The following CFAP52 variants were observed in gnomAD, a reference collection of about 807,000 sequenced individuals.
The protein encoded by CFAP52 is cilia and flagella associated protein 52, also known as cilia- and flagella-associated protein 52.
In CFAP52, 57 loss-of-function variants were observed where a neutral mutation model predicts 70.5. The observed-to-expected ratio is 0.81, with a 90% CI of 0.65 to 1.01. CFAP52 has a LOEUF of 1.01. Among genes scored for constraint, CFAP52 ranks in the 50% least tolerant of loss-of-function variants. CFAP52 has a pLI of 0.00. For missense variants in CFAP52, 785 were observed against 788.5 expected (o/e 1.00, Z 0.05); for synonymous variants, 267 against 292.5 (o/e 0.91, Z 0.89).
intron 9 of CFAP52, among the ~76,000 whole-genome samples, chr17:9,630,627 T>TC (rs1445674034): frequency 1.3e-5 from 2 of 150,704 alleles, no homozygotes; most frequent in African/African-American, 4.9e-5. Flanking sequence ...AGACGGGGTT[T>TC]CACCGTGTTA....
chr17:9,613,263 C>G (rs1440942937), intron 8 of CFAP52, among the ~76,000 whole-genome samples: 2 of 150,910 alleles, frequency 1.3e-5, no homozygotes, highest in African/African-American at 4.9e-5. Flanking sequence ...AAATCTCACC[C>G]AGCACAAGTA....
Position 9,598,441 on chromosome 17 carries a change from G to T in CFAP52, c.636+108G>T, listed in dbSNP as rs75305250. ...ATGGGGCTGGGGATAGGAAAGTGGGGTATAGACATAGGGGATGTTGATTGA... is the reference window on the plus strand; with the variant it reads ...ATGGGGCTGGGGATAGGAAAGTGGGTTATAGACATAGGGGATGTTGATTGA... On this transcript the variant is annotated intron_variant, in intron 5 of 13. Coordinates refer to ENST00000352665, the MANE Select transcript of CFAP52 (RefSeq NM_145054.5). 414 of 852,230 alleles carry T rather than the reference G, an allele frequency of 4.9e-4. 2 individuals are homozygous for T. The African/African-American group carries it at 5.8e-3, about 12-fold the overall frequency. 52.8% of individuals were successfully genotyped at this position (852,230 alleles called of 1,614,324 possible).
At chr17:9,616,171 G>T (rs1486005491) in intron 8 of CFAP52, among the ~76,000 whole-genome samples, 1 of 151,294 alleles carries the variant, frequency 6.6e-6, no homozygotes, top group Non-Finnish European at 1.5e-5. Flanking sequence ...GCAGGTCGAG[G>T]CATTGCCTCA....
intron 7 of CFAP52, among the ~76,000 whole-genome samples, chr17:9,609,157 A>G (rs1909623703): frequency 6.6e-6 from 1 of 152,186 alleles, no homozygotes; most frequent in South Asian, 2.1e-4. Flanking sequence ...CTTCATTCCA[A>G]GAAATCTGTG....
rs376220632 is a variant in CFAP52, at chr17:9,615,681, G to A, written c.1025+3202G>A. Among the ~76,000 whole-genome samples, 6 of 150,594 alleles carry A rather than the reference G, an allele frequency of 4.0e-5. No homozygotes were observed. In the East Asian group the frequency reaches 5.9e-4, roughly 15 times the overall value. On this transcript the variant is annotated intron_variant, in intron 8 of 13. Transcript: ENST00000352665. ...GTCACCCAGGCTAGAGCACAGTGAC[G>A]CAATCACAGCTCAGAACTCCTGGGG...
intron 13 of CFAP52, among the ~76,000 whole-genome samples, chr17:9,642,302 C>A (rs1261099108): frequency 6.6e-6 from 1 of 152,200 alleles, no homozygotes; most frequent in East Asian, 1.9e-4. Context: ...TCATTTCCTG[C>A]CAAGCTCTTT....
At chr17:9,600,344 C>G (rs1012744503) in intron 6 of CFAP52, among the ~76,000 whole-genome samples, 161 bp downstream of exon 6, 7 of 152,062 alleles carry the variant, frequency 4.6e-5, no homozygotes, top group African/African-American at 1.7e-4. Flanking sequence ...CAGGTTCAAG[C>G]GATTGTCCCA....
In CFAP52 at chr17:9,585,981, A is replaced by G. The variant is rs376365503; in HGVS notation, c.270+9A>G. 39 of 1,602,566 alleles carry G rather than the reference A, an allele frequency of 2.4e-5. No homozygotes were observed. In the African/African-American group the frequency reaches 4.6e-4, roughly 19 times the overall value. ...CATTCATGGGGTTCAAGGTGAATAC[A>G]GTGAAAACGACTCATTGTCAATTTA... On this transcript the variant is annotated intron_variant, in intron 2 of 13. Coordinates refer to ENST00000352665, the MANE Select transcript of CFAP52 (RefSeq NM_145054.5).
intron 9 of CFAP52, 40 bp downstream of exon 9, chr17:9,628,860 T>C: frequency 1.2e-6 from 2 of 1,612,184 alleles, no homozygotes; most frequent in Non-Finnish European, 8.5e-7. Flanking sequence ...GGGCTCTAGC[T>C]GCGGTTTTGA....
intron 7 of CFAP52, chr17:9,610,470 T>C (rs1909670470): frequency 6.6e-6 from 1 of 152,142 alleles, no homozygotes; most frequent in South Asian, 2.1e-4. Flanking sequence ...TCATGGAGAC[T>C]GGAAAGGGAA....
chr17:9,629,494 TC>T (rs201281766), intron 9 of CFAP52, among the ~76,000 whole-genome samples: 1,626 of 148,702 alleles, frequency 0.011, 31 homozygotes, highest in African/African-American at 0.038. Flanking sequence ...TTTCTTTCTT[TC>T]TTTTCTTTTC....
intron 3 of CFAP52, among the ~76,000 whole-genome samples, chr17:9,591,240 G>A (rs1908746069): frequency 6.6e-6 from 1 of 151,552 alleles, no homozygotes; most frequent in Admixed American, 6.6e-5. Context: ...GTCTCTTCAT[G>A]TTGGTCAGGC....
At chr17:9,632,845 CAT>C in intron 9 of CFAP52, 41 bp from the exon 10 acceptor site, 1 of 1,605,268 alleles carries the variant, frequency 6.2e-7, no homozygotes, top group Non-Finnish European at 8.5e-7. Flanking sequence ...AGAGAGGGTG[CAT>C]ATACTGATCC....
chr17:9,643,690 C>A (rs1244326322), downstream of CFAP52, among the ~76,000 whole-genome samples: 2 of 152,154 alleles, frequency 1.3e-5, no homozygotes, highest in Non-Finnish European at 2.9e-5. Context: ...TAAGTTCCTG[C>A]TCAAAAGGTT....
chr17:9,629,610 C>T (rs1211099529), intron 9 of CFAP52, among the ~76,000 whole-genome samples: 8 of 148,344 alleles, frequency 5.4e-5, no homozygotes, highest in Admixed American at 3.4e-4. Flanking sequence ...TGCAATGGCG[C>T]GATCTAGGCT....
At chr17:9,576,875 G>A (rs1907971548) in intron 1 of CFAP52, 110 bp downstream of exon 1, 1 of 1,202,826 alleles carries the variant, frequency 8.3e-7, no homozygotes, top group Non-Finnish European at 1.1e-6. Flanking sequence ...GTGGGACAAC[G>A]GCAGGAGCCC....
At chr17:9,609,402 A>G (rs953696731) in intron 7 of CFAP52, among the ~76,000 whole-genome samples, 1 of 152,180 alleles carries the variant, frequency 6.6e-6, no homozygotes, top group Non-Finnish European at 1.5e-5. Context: ...TGGTTTGAAT[A>G]GAAGCAGGGA....
At chr17:9,631,856 C>T (rs949930579) in intron 9 of CFAP52, among the ~76,000 whole-genome samples, 2 of 151,106 alleles carry the variant, frequency 1.3e-5, no homozygotes, top group African/African-American at 4.9e-5. Context: ...CAACCTCCGC[C>T]TCCCGGGTTC....
intron 10 of CFAP52, among the ~76,000 whole-genome samples, chr17:9,634,029 A>G (rs185835955): frequency 1.3e-5 from 2 of 152,254 alleles, no homozygotes; most frequent in East Asian, 3.9e-4. Context: ...ATTATTAAAT[A>G]CACCCAGACG....
Sources: gnomAD v4.1 joint callset for allele counts (sites outside exome capture counted in the v4.1 genomes callset) on GRCh38, gnomAD v4.1.1 for gene constraint, MANE v1.5 for transcripts, NCBI Gene and HGNC (gene_info 2026-07-23, HGNC 2026-07-21) for gene names.